ZNF256: variants seen among roughly 807,000 people sequenced by gnomAD.
The protein encoded by ZNF256 is bone marrow zinc finger 3.
In ZNF256, 4 loss-of-function variants were observed where a neutral mutation model predicts 7.9. That is an observed-to-expected ratio of 0.50 (90% confidence interval 0.25 to 1.15). ZNF256 has a LOEUF of 1.15. Among genes scored for constraint, ZNF256 ranks in the 50% most tolerant of loss-of-function variants. The probability of loss-of-function intolerance (pLI) is 0.15; values close to 1 mark genes in which losing one functional copy is unlikely to be tolerated. For synonymous variants in ZNF256, 260 were observed against 260.4 expected, an observed-to-expected ratio of 1.00 and a Z score of 0.02; for missense variants, 666 against 755.9, an observed-to-expected ratio of 0.88 and a Z score of 1.39.
rs749548501 is a variant in ZNF256, at chr19:57,941,723, T to C, written c.1085A>G (p.His362Arg). The change falls in exon 3 of 3, where the codon CAT becomes CGT. Residue 362 changes from histidine (H) to arginine (R), a missense_variant. Physicochemically the swap from His to Arg is conservative, Grantham distance 29. Coordinates refer to ENST00000282308, the MANE Select transcript of ZNF256 (RefSeq NM_005773.3). ...CTGGTGTGTAATAAGGCTAGAACTA[T>C]GGATAAAAGATTTCCCACATTCACT... ...ECSECGKSFI[H>R]SSSLITHQRV... 3 of 1,613,818 alleles carry C rather than the reference T, an allele frequency of 1.9e-6. No individual in the cohort carries two copies. Among genetic ancestry groups the C allele is most frequent in the Non-Finnish European group, 2.5e-6 (3 of 1,179,938 alleles).
chr19:57,944,078 C>T lies in ZNF256; in HGVS notation c.34-18G>A, dbSNP rs749550738. On this transcript the variant is annotated intron_variant, in intron 1 of 2. Coordinates refer to ENST00000282308, the MANE Select transcript of ZNF256 (RefSeq NM_005773.3). The stretch of plus-strand genomic sequence containing the variant: ...ACAATGCCCTGCCAGGATGGGGACA[C>T]ATGAAACCACAAACGGTTCCTCCTC... 3 of 1,613,148 alleles carry T rather than the reference C, an allele frequency of 1.9e-6. No homozygotes were observed. The highest frequency in any genetic ancestry group is 1.7e-5 in the Admixed American group (1 of 59,920).
chr19:57,944,342 G>A (rs1176826472), intron 1 of ZNF256, among the ~76,000 whole-genome samples: 1 of 152,188 alleles, frequency 6.6e-6, no homozygotes, highest in African/African-American at 2.4e-5. Context: ...CCTCTCATAT[G>A]ACCAAGGTCA....
rs747568462 is a variant in ZNF256, at chr19:57,941,570, C to T, written c.1238G>A (p.Gly413Glu). Residue 413 changes from glycine to glutamate, a missense_variant, in exon 3 of 3, where the codon GGG becomes GAG. Physicochemically the swap from Gly to Glu is moderately conservative, Grantham distance 98 (BLOSUM62 -2). Transcript: ENST00000282308. ...ACGAGATCTATAAGTAAACAATTTC[C>T]CACATTCACTACACTCATAAGGCCC... ...GEGPYECSEC[G>E]KLFTYRSRFF... is the part of the protein sequence containing the mutation. The T allele has an allele frequency of 6.2e-7, 1 of 1,614,024 alleles. No homozygotes were observed. Among genetic ancestry groups the T allele is most frequent in the African/African-American group, 1.3e-5 (1 of 74,916 alleles).
chr19:57,943,066 G>T (rs1411802111), intron 2 of ZNF256, among the ~76,000 whole-genome samples: 2 of 152,166 alleles, frequency 1.3e-5, no homozygotes, highest in Admixed American at 1.3e-4. Flanking sequence ...GAAGAGCACT[G>T]CAGATAAGGC....
Position 57,943,959 on chromosome 19 carries a change from C to G in ZNF256, c.135G>C (p.Glu45Asp). Reference protein sequence around the residue: ...QKCLYHDVMLENLTLTTSLGG... With the variant: ...QKCLYHDVMLDNLTLTTSLGG... ...CCAGGGAGGTTGTAAGTGTCAAGTT[C>G]TCCAGCATCACATCGTGGTACAGGC... The change falls in exon 2 of 3, where the codon GAG becomes GAC. Residue 45 changes from glutamate (E) to aspartate (D), a missense_variant. Transcript: ENST00000282308. The G allele has an allele frequency of 6.2e-7, 1 of 1,614,070 alleles. No individual in the cohort carries two copies. The highest frequency in any genetic ancestry group is 8.5e-7 in the Non-Finnish European group (1 of 1,179,984).
intron 1 of ZNF256, among the ~76,000 whole-genome samples, chr19:57,944,615 G>C (rs548681884): frequency 6.6e-6 from 1 of 152,294 alleles, no homozygotes; most frequent in South Asian, 2.1e-4. Flanking sequence ...ACGAGGTCAA[G>C]AGATGGAGAC....
Position 57,947,573 on chromosome 19 carries a change from A to G in ZNF256, c.-99T>C, listed in dbSNP as rs1192833444. ...CCGAGCCTCAGCCACGCCTCTGTGC[A>G]GCGGGGAAGACTCCTCTCGCGCCTT... On this transcript the variant is annotated 5_prime_UTR_variant, in exon 1 of 3. Transcript: ENST00000282308. 2.6e-6 allele frequency: 3 copies of G among 1,159,970 alleles called. No individual in the cohort carries two copies. The highest frequency in any genetic ancestry group is 2.2e-6 in the Non-Finnish European group (2 of 907,176). 71.9% of individuals were successfully genotyped at this position (1,159,970 alleles called of 1,614,324 possible). A position where few individuals can be genotyped will look rare whatever the true frequency, so the allele number is the denominator to read the frequency against.
At position 57,947,584 on chromosome 19, in the gene ZNF256, C is replaced by A. The variant is rs2072776597; in HGVS notation, c.-110G>T. On this transcript the variant is annotated 5_prime_UTR_variant, in exon 1 of 3. Transcript: ENST00000282308. ...CCACGCCTCTGTGCAGCGGGGAAGA[C>A]TCCTCTCGCGCCTTCTCAGTCAGTC... is the stretch of plus-strand genomic sequence containing the variant. The A allele has an allele frequency of 9.2e-7, 1 of 1,081,772 alleles. No homozygotes were observed. The highest frequency in any genetic ancestry group is 1.2e-6 in the Non-Finnish European group (1 of 835,824). The allele number at this position is 1,081,772 out of a possible 1,614,324, so 67.0% of individuals were successfully genotyped here. A position where few individuals can be genotyped will look rare whatever the true frequency, so the allele number is the denominator to read the frequency against.
In ZNF256 at chr19:57,941,693, ACT is replaced by A. The variant is rs759854086; in HGVS notation, c.1113_1114del (p.Arg371SerfsTer12). 1.2e-6 allele frequency: 2 copies of A among 1,613,790 alleles called. No individual in the cohort carries two copies. Among genetic ancestry groups the A allele is most frequent in the Non-Finnish European group, 1.7e-6 (2 of 1,179,944 alleles). On this transcript the variant is annotated frameshift_variant, in exon 3 of 3. Coordinates refer to ENST00000282308, the MANE Select transcript of ZNF256 (RefSeq NM_005773.3). LOFTEE classifies it low-confidence loss of function (END_TRUNC). ...CATATAAGGCCTTGTACCAGTGTGA[ACT>A]CTCTGGTGTGTAATAAGGCTAGAAC...
chr19:57,943,847 G>C, intron 2 of ZNF256, 87 bp downstream of exon 2: 10 of 1,534,494 alleles, frequency 6.5e-6, no homozygotes, highest in Non-Finnish European at 8.8e-6. Context: ...TGTGTCAATA[G>C]TCCTCTTGTG....
In ZNF256 at chr19:57,942,354, T is replaced by C. The variant is rs767847081; in HGVS notation, c.454A>G (p.Arg152Gly). Reference sequence around the variant, plus strand: ...GTGCAGCTGCTCAAAAACATGTCTCTGCCCCCATTGCTTCTGAAGTGTTTC... The same window carrying C: ...GTGCAGCTGCTCAAAAACATGTCTCCGCCCCCATTGCTTCTGAAGTGTTTC... ...GQKHFRSNGGRDMFLSSCTFE... is the reference protein window; with the variant it reads ...GQKHFRSNGGGDMFLSSCTFE... The change falls in exon 3 of 3, where the codon AGA becomes GGA. Residue 152 changes from arginine to glycine, a missense_variant. By Grantham distance (125) the Arg-to-Gly change is moderately radical. Transcript: ENST00000282308. 1.2e-6 allele frequency: 2 copies of C among 1,614,124 alleles called. No individual in the cohort carries two copies. The highest frequency in any genetic ancestry group is 3.3e-5 in the Admixed American group (2 of 60,000).
rs767238861 is a variant in ZNF256, at chr19:57,942,621, C to A, written c.187G>T (p.Ala63Ser). 1 of 1,613,742 alleles carries A rather than the reference C, an allele frequency of 6.2e-7. No individual in the cohort carries two copies. Reference protein sequence around the residue: ...LGGSGAGDEEAPYQQSTSPQR... With the variant: ...LGGSGAGDEESPYQQSTSPQR... ...GGAGAAGTGCTCTGCTGATAAGGTG[C>A]CTCCTCATCCCCTGCTCCAGAACCA... The change falls in exon 3 of 3, where the codon GCA (alanine) becomes TCA (serine). Residue 63 changes from alanine (A) to serine (S), a missense_variant. By Grantham distance (99) the Ala-to-Ser change is moderately conservative (BLOSUM62 1). Coordinates refer to ENST00000282308, the MANE Select transcript of ZNF256 (RefSeq NM_005773.3).
At position 57,941,862 on chromosome 19, in the gene ZNF256, C is replaced by T. The variant is rs1399375898; in HGVS notation, c.946G>A (p.Val316Ile). The T allele has an allele frequency of 1.9e-6, 3 of 1,614,068 alleles. No individual in the cohort carries two copies. The highest frequency in any genetic ancestry group is 2.5e-6 in the Non-Finnish European group (3 of 1,180,050). ...RKYDLLIHQRVHTGERPYKCS... is the reference protein window; with the variant it reads ...RKYDLLIHQRIHTGERPYKCS... ...TTGTAAGGCCTTTCTCCAGTATGAACTCTCTGATGTATAAGAAGGTCATAC... is the reference window on the plus strand; with the variant it reads ...TTGTAAGGCCTTTCTCCAGTATGAATTCTCTGATGTATAAGAAGGTCATAC... The change falls in exon 3 of 3, where the codon GTT (valine) becomes ATT (isoleucine). Residue 316 changes from valine (V) to isoleucine (I), a missense_variant. By Grantham distance (29) the Val-to-Ile change is conservative. Coordinates refer to ENST00000282308, the MANE Select transcript of ZNF256 (RefSeq NM_005773.3).
chr19:57,947,669 G>A lies in ZNF256; in HGVS notation c.-195C>T. The stretch of plus-strand genomic sequence containing the variant: ...TACCAAGTAATCAGTCCAGACAAAT[G>A]CCAAAACGACCGCCACAAGGAGGAC... On this transcript the variant is annotated 5_prime_UTR_variant, in exon 1 of 3. Transcript: ENST00000282308. 1 of 465,130 alleles carries A rather than the reference G, an allele frequency of 2.1e-6. No individual in the cohort carries two copies. Among genetic ancestry groups the A allele is most frequent in the Non-Finnish European group, 3.5e-6 (1 of 287,352 alleles). 28.8% of individuals were successfully genotyped at this position (465,130 alleles called of 1,614,324 possible). A position where few individuals can be genotyped will look rare whatever the true frequency, so the allele number is the denominator to read the frequency against.
chr19:57,946,083 A>C (rs2072764589), intron 1 of ZNF256, among the ~76,000 whole-genome samples: 2 of 152,138 alleles, frequency 1.3e-5, no homozygotes, highest in African/African-American at 4.8e-5. Context: ...GCCACTGCCA[A>C]ACTACACTGT....
chr19:57,943,811 G>T (rs532989740), intron 2 of ZNF256, 123 bp downstream of exon 2: 13 of 1,326,636 alleles, frequency 9.8e-6, no homozygotes, highest in Non-Finnish European at 1.3e-5. Context: ...CCTACCAACC[G>T]CAGCACCTGC....
intron 2 of ZNF256, 83 bp downstream of exon 2, chr19:57,943,851 T>G: frequency 6.5e-7 from 1 of 1,546,254 alleles, no homozygotes; most frequent in Non-Finnish European, 8.8e-7. Flanking sequence ...TCAATAGTCC[T>G]CTTGTGAAGA....
intron 2 of ZNF256, among the ~76,000 whole-genome samples, chr19:57,943,358 G>A (rs2072743419): frequency 6.6e-6 from 1 of 152,110 alleles, no homozygotes; most frequent in Non-Finnish European, 1.5e-5. Flanking sequence ...TCTTGCTGTG[G>A]GGAATCACAG....
intron 1 of ZNF256, among the ~76,000 whole-genome samples, chr19:57,945,052 C>T (rs1023346579): frequency 3.9e-5 from 6 of 151,980 alleles, no homozygotes; most frequent in Admixed American, 2.6e-4. Context: ...CCCGCCATCA[C>T]GCCTGGCTAA....
Sources: allele counts gnomAD v4.1 joint callset (sites outside exome capture counted in the v4.1 genomes callset), GRCh38; gene constraint gnomAD v4.1.1; transcripts MANE v1.5; gene names NCBI Gene and HGNC (gene_info 2026-07-23, HGNC 2026-07-21).